The following RPS6KA5 variants were observed in gnomAD, a reference collection of about 807,000 sequenced individuals.
RPS6KA5 encodes ribosomal protein S6 kinase alpha-5.
Under a neutral mutation model 85.5 loss-of-function variants are expected in RPS6KA5, and 27 were observed. The observed-to-expected ratio is 0.32, with a 90% CI of 0.23 to 0.44. The LOEUF (loss-of-function observed/expected upper bound fraction) is 0.44. Among genes scored for constraint, RPS6KA5 ranks in the 20% least tolerant of loss-of-function variants. The probability of loss-of-function intolerance (pLI) is 1.00; values close to 1 mark genes in which losing one functional copy is unlikely to be tolerated. For synonymous variants in RPS6KA5, 334 were observed against 348.2 expected, an observed-to-expected ratio of 0.96 and a Z score of 0.46; for missense variants, 811 against 980.9, an observed-to-expected ratio of 0.83 and a Z score of 2.31.
chr14:90,965,716 T>C (rs2039030964), intron 3 of RPS6KA5, among the ~76,000 whole-genome samples: 1 of 152,048 alleles, frequency 6.6e-6, no homozygotes, highest in Non-Finnish European at 1.5e-5. Flanking sequence ...AATCTAGTAT[T>C]GGGAAGACAA....
chr14:90,931,462 T>A (rs192834038), intron 5 of RPS6KA5, among the ~76,000 whole-genome samples: 5 of 152,266 alleles, frequency 3.3e-5, no homozygotes, highest in Middle Eastern at 3.4e-3. Context: ...ATGAGTATTA[T>A]TAAAGCTGCT....
chr14:90,981,195 C>G (rs1159022966), intron 2 of RPS6KA5, among the ~76,000 whole-genome samples: 2 of 152,204 alleles, frequency 1.3e-5, no homozygotes, highest in Non-Finnish European at 2.9e-5. Context: ...TTTATATTGA[C>G]TGGAAGCAGG....
intron 2 of RPS6KA5, among the ~76,000 whole-genome samples, chr14:90,998,220 T>C (rs2040619230): frequency 6.6e-6 from 1 of 152,100 alleles, no homozygotes; most frequent in African/African-American, 2.4e-5. Flanking sequence ...TGAGCTTGCT[T>C]GGGCATTAAT....
In RPS6KA5 at chr14:91,039,918, A is replaced by C. The variant is rs182220764; in HGVS notation, c.103+20414T>G. 5.3e-5 allele frequency among the ~76,000 whole-genome samples: 8 copies of C among 152,344 alleles called. No individual in the cohort carries two copies. The East Asian group carries it at 1.5e-3, about 29-fold the overall frequency. On this transcript the variant is annotated intron_variant, in intron 1 of 16. Transcript: ENST00000614987. Reference sequence around the variant, plus strand: ...TAAATAAATGATAGCTATTATCATTAGATTAGACACTGAACTTAGACTATG... The same window carrying C: ...TAAATAAATGATAGCTATTATCATTCGATTAGACACTGAACTTAGACTATG...
intron 5 of RPS6KA5, among the ~76,000 whole-genome samples, chr14:90,932,429 G>A (rs1321730308): frequency 1.3e-5 from 2 of 152,030 alleles, no homozygotes; most frequent in Non-Finnish European, 2.9e-5. Context: ...CATCAGCCCA[G>A]GCAATTTCAC....
chr14:90,862,318 GT>G lies in RPS6KA5; in HGVS notation c.*9755del, dbSNP rs2032594298. ...TATCAGGTGCAAACTCTTCCAGAGTGTAGAAAAAAAGGGAACACATCTCCAA... is the reference window on the plus strand; with the variant it reads ...TATCAGGTGCAAACTCTTCCAGAGTGAGAAAAAAAGGGAACACATCTCCAA... On this transcript the variant is annotated 3_prime_UTR_variant, in exon 17 of 17. Coordinates refer to ENST00000614987, the MANE Select transcript of RPS6KA5 (RefSeq NM_004755.4). 2 of 145,810 alleles carry G rather than the reference GT, an allele frequency of 1.4e-5. No individual in the cohort carries two copies. Among genetic ancestry groups the G allele is most frequent in the African/African-American group, 5.2e-5 (2 of 38,450 alleles). The allele number at this position is 145,810 out of a possible 1,614,324, so 9.0% of individuals were successfully genotyped here. A position where few individuals can be genotyped will look rare whatever the true frequency, so the allele number is the denominator to read the frequency against.
At chr14:91,009,874 G>GT (rs1359626992) in intron 1 of RPS6KA5, among the ~76,000 whole-genome samples, 2 of 152,148 alleles carry the variant, frequency 1.3e-5, no homozygotes, top group African/African-American at 4.8e-5. Flanking sequence ...ATTACCTAGA[G>GT]TTATGAGGCA....
At chr14:91,053,726 T>G (rs1390959809) in intron 1 of RPS6KA5, among the ~76,000 whole-genome samples, 2 of 152,226 alleles carry the variant, frequency 1.3e-5, no homozygotes, top group Non-Finnish European at 2.9e-5. Context: ...AGACATCTCA[T>G]GTTCATAGAT....
At chr14:90,903,988 C>T (rs2035344020) in intron 8 of RPS6KA5, among the ~76,000 whole-genome samples, 2 of 151,584 alleles carry the variant, frequency 1.3e-5, no homozygotes, top group Admixed American at 1.3e-4. Flanking sequence ...GCTCTGTCGC[C>T]CAGGCTGGAG....
Position 91,056,106 on chromosome 14 carries a change from G to C in RPS6KA5, c.103+4226C>G, listed in dbSNP as rs140271940. ...TAAGCTAAGCCACTCCTAAATTCCT[G>C]ACCCACACAAATCATGTTGTTTAAG... On this transcript the variant is annotated intron_variant, in intron 1 of 16. Transcript: ENST00000614987. 8.1e-3 allele frequency among the ~76,000 whole-genome samples: 1,226 copies of C among 152,136 alleles called. 14 individuals carry two copies. The highest frequency in any genetic ancestry group is 0.028 in the African/African-American group (1,157 of 41,510).
intron 8 of RPS6KA5, 27 bp from the exon 9 acceptor site, chr14:90,902,996 T>C (rs758618068): frequency 2.0e-5 from 31 of 1,578,548 alleles, no homozygotes; most frequent in Non-Finnish European, 2.6e-5. Flanking sequence ...TGGTACAAAG[T>C]AGAAATCAAT....
chr14:90,975,708 G>A (rs1039406587), intron 3 of RPS6KA5, among the ~76,000 whole-genome samples: 14 of 152,292 alleles, frequency 9.2e-5, no homozygotes, highest in African/African-American at 2.4e-4. Flanking sequence ...TGTATAGCAC[G>A]ATATTTGGGA....
At position 90,942,990 on chromosome 14, in the gene RPS6KA5, A is replaced by G. The variant is rs184772350; in HGVS notation, c.618+88T>C. ...CACAAAAGTTCAGAATTCACAGGGC[A>G]GTTTTCTGCTAAATGTTTATTCTAC... On this transcript the variant is annotated intron_variant, in intron 5 of 16. Transcript: ENST00000614987. 174 of 776,938 alleles carry G rather than the reference A, an allele frequency of 2.2e-4. 1 individual carries two copies. In the Middle Eastern group the frequency reaches 2.7e-3, roughly 12 times the overall value. 48.1% of individuals were successfully genotyped at this position (776,938 alleles called of 1,614,324 possible).
chr14:91,013,509 C>A (rs558506977), intron 1 of RPS6KA5, among the ~76,000 whole-genome samples: 1 of 151,868 alleles, frequency 6.6e-6, no homozygotes, highest in South Asian at 2.1e-4. Flanking sequence ...CAGAAAACCA[C>A]CAAAACAACA....
At chr14:90,994,953 A>C (rs749488542) in intron 2 of RPS6KA5, among the ~76,000 whole-genome samples, 53 of 152,304 alleles carry the variant, frequency 3.5e-4, no homozygotes, top group Non-Finnish European at 6.6e-4. Context: ...AATCCTCCAG[A>C]GAAGATTTAC....
chr14:91,023,651 T>A (rs377247269), intron 1 of RPS6KA5, among the ~76,000 whole-genome samples: 2 of 131,408 alleles, frequency 1.5e-5, no homozygotes, highest in Admixed American at 1.6e-4. Context: ...CTTTGTACTT[T>A]CTTTCCCTAA....
intron 2 of RPS6KA5, among the ~76,000 whole-genome samples, chr14:90,986,890 AC>A (rs960256736): frequency 6.6e-6 from 1 of 152,096 alleles, no homozygotes; most frequent in Non-Finnish European, 1.5e-5. Flanking sequence ...TCTCCTGACC[AC>A]CCTCCTTCCC....
chr14:91,037,500 C>G (rs2042450866), intron 1 of RPS6KA5, among the ~76,000 whole-genome samples: 1 of 152,184 alleles, frequency 6.6e-6, no homozygotes, highest in Non-Finnish European at 1.5e-5. Flanking sequence ...AGCCTGTGTC[C>G]CCTCACCAGT....
intron 1 of RPS6KA5, chr14:91,059,869 G>A (rs2043556197): frequency 4.4e-6 from 1 of 226,756 alleles, no homozygotes; most frequent in African/African-American, 2.3e-5. Flanking sequence ...CACCTTAGGG[G>A]ATGGCTCCAC....
Sources: allele counts gnomAD v4.1 joint callset (sites outside exome capture counted in the v4.1 genomes callset), GRCh38; gene constraint gnomAD v4.1.1; transcripts MANE v1.5; gene names NCBI Gene and HGNC (gene_info 2026-07-23, HGNC 2026-07-21).